The following CDH13 variants were observed in gnomAD, a reference collection of about 807,000 sequenced individuals.
The protein encoded by CDH13 is cadherin-13.
In CDH13, 24 loss-of-function variants were observed where a neutral mutation model predicts 63.8. The ratio of observed to expected loss-of-function variants is 0.38; its 90% CI spans 0.27 to 0.53. The LOEUF is 0.53. Ranked by LOEUF, CDH13 falls within the 20% of genes least tolerant of loss-of-function variation. CDH13 has a pLI of 0.85. For synonymous variants in CDH13, 503 were observed against 355.3 expected (o/e 1.42, Z -4.67); for missense variants, 1,049 against 903.1 (o/e 1.16, Z -2.07).
intron 1 of CDH13, among the ~76,000 whole-genome samples, chr16:82,803,470 T>C (rs2058680461): frequency 6.6e-6 from 1 of 152,128 alleles, no homozygotes; most frequent in African/African-American, 2.4e-5. Flanking sequence ...GTTTTTTTTG[T>C]AATGCCAGCA....
intron 4 of CDH13, among the ~76,000 whole-genome samples, chr16:83,193,497 C>T (rs2038787744): frequency 6.6e-6 from 1 of 152,136 alleles, no homozygotes; most frequent in African/African-American, 2.4e-5. Context: ...AGAGCAGAAC[C>T]TAGGTTCTCT....
chr16:82,820,509 G>A (rs1221431195), intron 1 of CDH13, among the ~76,000 whole-genome samples: 1 of 152,172 alleles, frequency 6.6e-6, no homozygotes, highest in Non-Finnish European at 1.5e-5. Context: ...GTGGAGGCAG[G>A]ATTTGAACAC....
chr16:83,059,564 C>T (rs907379947), intron 3 of CDH13, among the ~76,000 whole-genome samples: 3 of 152,052 alleles, frequency 2.0e-5, no homozygotes, highest in African/African-American at 7.2e-5. Flanking sequence ...TTCGGAGATT[C>T]CATCATTCAG....
intron 5 of CDH13, among the ~76,000 whole-genome samples, chr16:83,233,087 C>T (rs1342857339): frequency 6.6e-6 from 1 of 152,144 alleles, no homozygotes; most frequent in Non-Finnish European, 1.5e-5. Context: ...CTTTAGGTCC[C>T]TTGAGATTGT....
intron 11 of CDH13, among the ~76,000 whole-genome samples, chr16:83,762,047 G>GC (rs1914017337): frequency 6.6e-6 from 1 of 152,134 alleles, no homozygotes; most frequent in African/African-American, 2.4e-5. Flanking sequence ...GGGTGACAGA[G>GC]CGAGACCCCA....
At chr16:83,554,386 G>T (rs1208088101) in intron 7 of CDH13, among the ~76,000 whole-genome samples, 1 of 152,100 alleles carries the variant, frequency 6.6e-6, no homozygotes, top group Non-Finnish European at 1.5e-5. Flanking sequence ...GCATAGAAAG[G>T]AGCATATAAT....
chr16:83,228,775 A>T (rs150831604), intron 5 of CDH13, among the ~76,000 whole-genome samples: 1 of 152,322 alleles, frequency 6.6e-6, no homozygotes, highest in African/African-American at 2.4e-5. Flanking sequence ...GTGAGCTTAG[A>T]CATGATACTC....
intron 7 of CDH13, among the ~76,000 whole-genome samples, chr16:83,514,561 C>A (rs1024786989): frequency 2.6e-5 from 4 of 152,154 alleles, no homozygotes; most frequent in African/African-American, 9.7e-5. Context: ...ATGGGAATTG[C>A]TTGAACCTGG....
At chr16:82,672,308 C>T (rs1471478185) in intron 1 of CDH13, among the ~76,000 whole-genome samples, 1 of 152,158 alleles carries the variant, frequency 6.6e-6, no homozygotes, top group Non-Finnish European at 1.5e-5. Flanking sequence ...ATTATTACTC[C>T]TTGATAGATA....
intron 7 of CDH13, among the ~76,000 whole-genome samples, chr16:83,505,964 G>A (rs188412023): frequency 7.2e-5 from 11 of 152,270 alleles, no homozygotes; most frequent in East Asian, 3.9e-4. Flanking sequence ...ACCTTACCCC[G>A]GGAGAAGCTG....
At position 83,795,208 on chromosome 16, in the gene CDH13, G is replaced by C; in HGVS notation, c.*178G>C. The C allele has an allele frequency of 1.8e-6, 1 of 550,938 alleles. No homozygotes were observed. Among genetic ancestry groups the C allele is most frequent in the South Asian group, 2.6e-5 (1 of 39,038 alleles). The allele number at this position is 550,938 out of a possible 1,614,324, so 34.1% of individuals were successfully genotyped here. A position where few individuals can be genotyped will look rare whatever the true frequency, so the allele number is the denominator to read the frequency against. ...TAGTCTGTACTTCATCATTTTGACA[G>C]CATCTTCCTCCCTCCTTTAATTAAT... On this transcript the variant is annotated 3_prime_UTR_variant, in exon 14 of 14. Transcript: ENST00000567109.
intron 11 of CDH13, among the ~76,000 whole-genome samples, chr16:83,771,391 A>G (rs1234052411): frequency 6.6e-6 from 1 of 152,188 alleles, no homozygotes; most frequent in Non-Finnish European, 1.5e-5. Context: ...CAGCAGTGGA[A>G]TCCATGTGGT....
At chr16:83,512,321 AAAAT>A (rs200161148) in intron 7 of CDH13, among the ~76,000 whole-genome samples, 17,964 of 126,646 alleles carry the variant, frequency 0.14, 1,419 homozygotes, top group East Asian at 0.2. Flanking sequence ...ACTCCGTCTC[AAAAT>A]AAATAAATAA....
intron 2 of CDH13, among the ~76,000 whole-genome samples, chr16:82,984,652 T>G (rs986627911): frequency 2.6e-4 from 39 of 152,216 alleles, no homozygotes; most frequent in African/African-American, 9.4e-4. Context: ...TCAGCTATGA[T>G]TCCCGCTTTA....
intron 3 of CDH13, among the ~76,000 whole-genome samples, chr16:83,085,183 G>T (rs74563365): frequency 0.016 from 2,425 of 151,960 alleles, 51 homozygotes; most frequent in African/African-American, 0.056. Context: ...ATGACAGGGG[G>T]CAAAAGGCAC....
chr16:82,825,473 G>A (rs1258344158), intron 1 of CDH13: 2 of 151,648 alleles, frequency 1.3e-5, no homozygotes, highest in East Asian at 1.9e-4. Context: ...TTAGCTGAAA[G>A]TGTTTTTATC....
In CDH13 at chr16:83,323,607, GA is replaced by G. The variant is rs557871380; in HGVS notation, c.637-21248del. Among the ~76,000 whole-genome samples the G allele has an allele frequency of 5.3e-5, 8 of 151,494 alleles. No individual in the cohort carries two copies. The East Asian group carries it at 1.4e-3, about 26-fold the overall frequency. On this transcript the variant is annotated intron_variant, in intron 5 of 13. Transcript: ENST00000567109. ...AAGACCTCTCTACCTTAAACCTCTG[GA>G]AAAAAACAAAAACAAAAATAAACAA...
intron 3 of CDH13, among the ~76,000 whole-genome samples, chr16:83,086,033 C>G (rs1462892606): frequency 6.6e-6 from 1 of 152,180 alleles, no homozygotes; most frequent in Non-Finnish European, 1.5e-5. Flanking sequence ...GGCAGGTGTA[C>G]TGGCTGCTCC....
intron 8 of CDH13, among the ~76,000 whole-genome samples, chr16:83,668,663 A>G (rs1246304869): frequency 6.6e-6 from 1 of 152,222 alleles, no homozygotes; most frequent in Non-Finnish European, 1.5e-5. Context: ...TGGGGATCTA[A>G]GGTGGGCAGG....
Sources: allele counts gnomAD v4.1 joint callset (sites outside exome capture counted in the v4.1 genomes callset), GRCh38; gene constraint gnomAD v4.1.1; transcripts MANE v1.5; gene names NCBI Gene and HGNC (gene_info 2026-07-23, HGNC 2026-07-21).